PCYOX1: variants seen among roughly 807,000 people sequenced by gnomAD.
PCYOX1 encodes the protein prenylcysteine oxidase 1.
Under a neutral mutation model 46.4 loss-of-function variants are expected in PCYOX1, and 46 were observed. The ratio of observed to expected loss-of-function variants is 0.99; its 90% CI spans 0.78 to 1.27. The LOEUF (loss-of-function observed/expected upper bound fraction) is 1.27, where lower values mean the gene tolerates loss of function less well. PCYOX1 is among the 50% of genes most tolerant of loss of function. PCYOX1 has a pLI of 0.00. For synonymous variants in PCYOX1, 220 were observed against 231.8 expected (o/e 0.95, Z 0.46); for missense variants, 658 against 628.3 (o/e 1.05, Z -0.51).
chr2:70,260,595 C>T (rs887274363), intron 2 of PCYOX1, among the ~76,000 whole-genome samples: 1 of 152,180 alleles, frequency 6.6e-6, no homozygotes, highest in Non-Finnish European at 1.5e-5. Flanking sequence ...GATGCAGACA[C>T]GTGCCTAGAA....
chr2:70,272,553 A>G (rs1019953007), intron 3 of PCYOX1, among the ~76,000 whole-genome samples: 2 of 152,040 alleles, frequency 1.3e-5, no homozygotes, highest in African/African-American at 4.8e-5. Context: ...CTGGCTGTTC[A>G]CAGGTGCAAC....
chr2:70,265,515 C>T (rs1172309082), intron 3 of PCYOX1, among the ~76,000 whole-genome samples: 1 of 152,158 alleles, frequency 6.6e-6, no homozygotes, highest in African/African-American at 2.4e-5. Context: ...ACTCCCAAGT[C>T]CAACCTCTTA....
chr2:70,260,944 G>GT (rs1405322350), intron 2 of PCYOX1, among the ~76,000 whole-genome samples: 1 of 152,014 alleles, frequency 6.6e-6, no homozygotes, highest in Non-Finnish European at 1.5e-5. Flanking sequence ...TGACTATCCA[G>GT]TTTTTTTAGA....
At chr2:70,261,492 A>G in intron 3 of PCYOX1, 106 bp downstream of exon 3, 1 of 743,146 alleles carries the variant, frequency 1.3e-6, no homozygotes, top group East Asian at 2.5e-5. Context: ...TCTACCTCAC[A>G]GCAAGGCCTG....
chr2:70,275,460 G>C, intron 4 of PCYOX1, 54 bp from the exon 5 acceptor site: 2 of 1,560,986 alleles, frequency 1.3e-6, no homozygotes, highest in Non-Finnish European at 1.8e-6. Context: ...AGAGTGGGTA[G>C]AGAGCCTCTT....
At chr2:70,261,768 T>C (rs1246051989) in intron 3 of PCYOX1, among the ~76,000 whole-genome samples, 1 of 152,150 alleles carries the variant, frequency 6.6e-6, no homozygotes, top group Non-Finnish European at 1.5e-5. Flanking sequence ...ATAGCTGGAG[T>C]TGCCACCCAG....
At chr2:70,258,132 C>G, upstream of PCYOX1, 1 of 1,524,726 alleles carries the variant, frequency 6.6e-7, no homozygotes, top group Non-Finnish European at 8.9e-7. Context: ...GACTGCGGGG[C>G]TCTTGAGGCC....
chr2:70,273,673 A>G (rs185307460), intron 3 of PCYOX1, among the ~76,000 whole-genome samples: 1 of 152,308 alleles, frequency 6.6e-6, no homozygotes, highest in East Asian at 1.9e-4. Flanking sequence ...ACTTATCCCA[A>G]ACTTAAGCCT....
chr2:70,265,034 C>G (rs1696493390), intron 3 of PCYOX1, among the ~76,000 whole-genome samples: 1 of 151,968 alleles, frequency 6.6e-6, no homozygotes, highest in African/African-American at 2.4e-5. Context: ...AGGGCTCAAG[C>G]TTGTGGTAGG....
chr2:70,268,622 A>AC (rs1201523593), intron 3 of PCYOX1, among the ~76,000 whole-genome samples: 2 of 151,908 alleles, frequency 1.3e-5, no homozygotes, highest in Non-Finnish European at 2.9e-5. Context: ...ACATGGTGAA[A>AC]CCCCTTCTCT....
At chr2:70,266,203 C>T (rs1345579079) in intron 3 of PCYOX1, among the ~76,000 whole-genome samples, 1 of 151,798 alleles carries the variant, frequency 6.6e-6, no homozygotes, top group African/African-American at 2.4e-5. Flanking sequence ...TAGGTGGGCC[C>T]AATATAATCA....
intron 3 of PCYOX1, among the ~76,000 whole-genome samples, chr2:70,274,195 C>A (rs1696635883): frequency 8.6e-6 from 1 of 115,952 alleles, no homozygotes; most frequent in Admixed American, 9.3e-5. Context: ...TTTACTTCTA[C>A]TTTTTTTTTT....
At chr2:70,266,672 C>G (rs914994508) in intron 3 of PCYOX1, among the ~76,000 whole-genome samples, 2 of 151,990 alleles carry the variant, frequency 1.3e-5, no homozygotes, top group East Asian at 1.9e-4. Flanking sequence ...TGACTCTTAA[C>G]GAGTATGCTG....
At chr2:70,267,378 A>G (rs1696541586) in intron 3 of PCYOX1, among the ~76,000 whole-genome samples, 1 of 152,050 alleles carries the variant, frequency 6.6e-6, no homozygotes, top group Admixed American at 6.6e-5. Flanking sequence ...CTCACTTCCT[A>G]GACGGGGTGG....
chr2:70,269,047 A>G (rs1696566764), intron 3 of PCYOX1, among the ~76,000 whole-genome samples: 1 of 152,112 alleles, frequency 6.6e-6, no homozygotes, highest in Non-Finnish European at 1.5e-5. Context: ...GTAACTGTCC[A>G]TTATTGAAAA....
chr2:70,277,259 G>T lies in PCYOX1; in HGVS notation c.1385G>T (p.Cys462Phe), dbSNP rs201755536. ...DRLYYLNGIECAASAMEMSAI... is the reference protein window; with the variant it reads ...DRLYYLNGIEFAASAMEMSAI... ...CTTTATTACCTCAATGGCATAGAGTGTGCAGCAAGTGCCATGGAGATGAGT... is the reference window on the plus strand; with the variant it reads ...CTTTATTACCTCAATGGCATAGAGTTTGCAGCAAGTGCCATGGAGATGAGT... Residue 462 changes from cysteine (C) to phenylalanine (F), a missense_variant, in exon 6 of 6, where the codon TGT (cysteine) becomes TTT (phenylalanine). Transcript: ENST00000433351. The T allele has an allele frequency of 9.0e-5, 145 of 1,614,020 alleles. No homozygotes were observed. Among genetic ancestry groups the T allele is most frequent in the Non-Finnish European group, 1.1e-4 (133 of 1,180,036 alleles).
chr2:70,264,002 AC>A (rs1351665886), intron 3 of PCYOX1, among the ~76,000 whole-genome samples: 1 of 107,274 alleles, frequency 9.3e-6, no homozygotes, highest in Non-Finnish European at 1.8e-5. Flanking sequence ...TCACTCTGTC[AC>A]CCAGGCTGGA....
At chr2:70,276,309 A>G (rs1308136876) in intron 5 of PCYOX1, among the ~76,000 whole-genome samples, 2 of 151,282 alleles carry the variant, frequency 1.3e-5, no homozygotes, top group Non-Finnish European at 2.9e-5. Context: ...AGCTGGGACT[A>G]TAGGCGCCTG....
Position 70,277,482 on chromosome 2 carries a change from A to G in PCYOX1, c.*90A>G, listed in dbSNP as rs1696689729. 6 of 1,054,532 alleles carry G rather than the reference A, an allele frequency of 5.7e-6. No homozygotes were observed. Among genetic ancestry groups the G allele is most frequent in the South Asian group, 1.5e-5 (1 of 64,644 alleles). The allele number at this position is 1,054,532 out of a possible 1,614,324, so 65.3% of individuals were successfully genotyped here. On this transcript the variant is annotated 3_prime_UTR_variant, in exon 6 of 6. Transcript: ENST00000433351. Reference sequence around the variant, plus strand: ...CTGAGCAGAGATGATTTTGAACCAGATATTTTGCCATTATCATTGTTTAAT... The same window carrying G: ...CTGAGCAGAGATGATTTTGAACCAGGTATTTTGCCATTATCATTGTTTAAT...
Sources: gnomAD v4.1 joint callset for allele counts (sites outside exome capture counted in the v4.1 genomes callset) on GRCh38, gnomAD v4.1.1 for gene constraint, MANE v1.5 for transcripts, NCBI Gene and HGNC (gene_info 2026-07-23, HGNC 2026-07-21) for gene names.